CCSER1: variants seen among roughly 807,000 people sequenced by gnomAD.
The protein encoded by CCSER1 is coiled-coil serine rich protein 1.
A neutral mutation model predicts 82.0 loss-of-function variants in CCSER1; 41 were observed. That is an observed-to-expected ratio of 0.50 (90% CI 0.39 to 0.65). The LOEUF is 0.65. Among genes scored for constraint, CCSER1 ranks in the 30% least tolerant of loss-of-function variants. CCSER1 has a pLI of 0.00. For missense variants in CCSER1, 1,119 were observed against 1,064.2 expected (o/e 1.05, Z -0.72); for synonymous variants, 414 against 383.9 (o/e 1.08, Z -0.92).
rs1322349941 is a variant in CCSER1, at chr4:91,603,204, C to T, written c.*4147C>T. 1 of 152,064 alleles carries T rather than the reference C, an allele frequency of 6.6e-6. No individual in the cohort carries two copies. Among genetic ancestry groups the T allele is most frequent in the Non-Finnish European group, 1.5e-5 (1 of 67,956 alleles). The allele number at this position is 152,064 out of a possible 1,614,324, so 9.4% of individuals were successfully genotyped here. On this transcript the variant is annotated 3_prime_UTR_variant, in exon 11 of 11. Transcript: ENST00000509176. ...GTATAAAAGCAAACAGTCAACTAAGCAACCAAACAAAACAGCTCTCTTCTT... is the reference window on the plus strand; with the variant it reads ...GTATAAAAGCAAACAGTCAACTAAGTAACCAAACAAAACAGCTCTCTTCTT...
At chr4:91,289,707 G>A (rs943033220) in intron 10 of CCSER1, among the ~76,000 whole-genome samples, 6 of 151,954 alleles carry the variant, frequency 3.9e-5, no homozygotes, top group Admixed American at 2.6e-4. Flanking sequence ...GATGGGGGAA[G>A]AACATTAAGG....
intron 4 of CCSER1, among the ~76,000 whole-genome samples, chr4:90,426,411 T>A (rs1180600807): frequency 6.6e-6 from 1 of 152,076 alleles, no homozygotes; most frequent in Non-Finnish European, 1.5e-5. Context: ...TGGGCCGCAT[T>A]AGGTGGGATA....
intron 10 of CCSER1, among the ~76,000 whole-genome samples, chr4:91,214,257 A>G (rs186398047): frequency 6.1e-4 from 93 of 152,320 alleles, no homozygotes; most frequent in Middle Eastern, 3.4e-3. Context: ...TCTTTACTCC[A>G]CAGAGATTAA....
At chr4:91,459,251 G>T (rs113834703) in intron 10 of CCSER1, among the ~76,000 whole-genome samples, 1,549 of 152,182 alleles carry the variant, frequency 0.01, 11 homozygotes, top group Middle Eastern at 0.02. Flanking sequence ...TTGTATGAAA[G>T]GGAGGCTTAA....
At chr4:90,928,160 T>TA (rs1053095957) in intron 9 of CCSER1, among the ~76,000 whole-genome samples, 1 of 152,096 alleles carries the variant, frequency 6.6e-6, no homozygotes, top group South Asian at 2.1e-4. Context: ...TTTTACAAAT[T>TA]AAAAAACATT....
At chr4:90,969,977 A>G (rs62309781) in intron 9 of CCSER1, among the ~76,000 whole-genome samples, 40,741 of 149,628 alleles carry the variant, frequency 0.27, 6,819 homozygotes, top group East Asian at 0.4. Context: ...AAGAAATCAA[A>G]TTATACCACC....
At chr4:90,849,508 G>A (rs541883825) in intron 8 of CCSER1, among the ~76,000 whole-genome samples, 15 of 152,160 alleles carry the variant, frequency 9.9e-5, no homozygotes, top group South Asian at 2.1e-4. Context: ...AGAAAAACCC[G>A]GCCAGGTGTG....
intron 9 of CCSER1, among the ~76,000 whole-genome samples, chr4:91,059,719 C>T (rs563590565): frequency 1.8e-4 from 27 of 152,052 alleles, no homozygotes; most frequent in African/African-American, 6.3e-4. Context: ...CATGTGACCA[C>T]TTCCTAGTTT....
chr4:91,518,876 G>A (rs1041588316), intron 10 of CCSER1, among the ~76,000 whole-genome samples: 3 of 152,192 alleles, frequency 2.0e-5, no homozygotes, highest in Non-Finnish European at 2.9e-5. Context: ...TGAACCAGGG[G>A]CCCAGATTGG....
At chr4:90,172,219 C>T (rs1731832909) in intron 1 of CCSER1, among the ~76,000 whole-genome samples, 1 of 151,750 alleles carries the variant, frequency 6.6e-6, no homozygotes, top group Non-Finnish European at 1.5e-5. Flanking sequence ...TAGAAAAACT[C>T]AGAGATTGTT....
At chr4:90,555,931 T>C (rs1778072000) in intron 5 of CCSER1, among the ~76,000 whole-genome samples, 1 of 152,142 alleles carries the variant, frequency 6.6e-6, no homozygotes. Context: ...AATTTAAATA[T>C]TCAAATTTAT....
intron 5 of CCSER1, among the ~76,000 whole-genome samples, chr4:90,576,540 A>T (rs1420410947): frequency 6.6e-6 from 1 of 151,510 alleles, no homozygotes; most frequent in East Asian, 1.9e-4. Context: ...CCCTCCACTC[A>T]CCCCCTAACA....
intron 9 of CCSER1, among the ~76,000 whole-genome samples, chr4:90,932,023 A>C (rs984966095): frequency 6.6e-6 from 1 of 152,236 alleles, no homozygotes; most frequent in Non-Finnish European, 1.5e-5. Context: ...ACAAGCCAAC[A>C]AAAGAACATG....
chr4:91,530,477 A>G (rs1760972324), intron 10 of CCSER1, among the ~76,000 whole-genome samples: 2 of 152,192 alleles, frequency 1.3e-5, no homozygotes, highest in African/African-American at 2.4e-5. Context: ...GACCAATTGT[A>G]TGTTTCATGC....
chr4:90,421,434 G>C (rs1180202383), intron 4 of CCSER1, among the ~76,000 whole-genome samples: 2 of 152,156 alleles, frequency 1.3e-5, no homozygotes, highest in African/African-American at 4.8e-5. Context: ...TCTGATTGAA[G>C]CCATAATAGT....
intron 8 of CCSER1, among the ~76,000 whole-genome samples, chr4:90,903,987 A>T (rs1041861577): frequency 6.6e-6 from 1 of 151,760 alleles, no homozygotes; most frequent in Non-Finnish European, 1.5e-5. Context: ...AAAATTAATA[A>T]TTTTTTTTGA....
chr4:90,665,383 G>A (rs34504334), intron 6 of CCSER1, among the ~76,000 whole-genome samples: 16,281 of 150,544 alleles, frequency 0.11, 1,201 homozygotes, highest in East Asian at 0.29. Context: ...GTGCAGTGGC[G>A]TGATCTCGGC....
rs1408270956 is a variant in CCSER1 at position 90,604,688 on chromosome 4, C to T, written c.1725-23337C>T. On this transcript the variant is annotated intron_variant, in intron 5 of 10. Transcript: ENST00000509176. ...GTCTAGCTAAAGGTTTGTAAATGCA[C>T]CAATCAGCACTTCGTGTCTAGCTCA... is the stretch of plus-strand genomic sequence containing the variant. 3.3e-5 allele frequency among the ~76,000 whole-genome samples: 5 copies of T among 152,144 alleles called. No individual in the cohort carries two copies. The East Asian group carries it at 9.6e-4, about 29-fold the overall frequency.
intron 10 of CCSER1, among the ~76,000 whole-genome samples, chr4:91,241,327 A>AT (rs755254962): frequency 0.88 from 102,412 of 116,194 alleles, 45,476 homozygotes; most frequent in East Asian, 0.99. Context: ...CATAAAATAC[A>AT]TTTTTTTTTT....
Sources: gnomAD v4.1 joint callset for allele counts (sites outside exome capture counted in the v4.1 genomes callset) on GRCh38, gnomAD v4.1.1 for gene constraint, MANE v1.5 for transcripts, NCBI Gene and HGNC (gene_info 2026-07-23, HGNC 2026-07-21) for gene names.